The following DPP6 variants were observed in gnomAD, a reference collection of about 807,000 sequenced individuals.
DPP6 encodes A-type potassium channel modulatory protein DPP6.
DPP6 carries 69 observed loss-of-function variants against 122.6 expected under a neutral mutation model. The ratio of observed to expected loss-of-function variants is 0.56; its 90% CI spans 0.46 to 0.69. The LOEUF (loss-of-function observed/expected upper bound fraction) is 0.69, where lower values mean the gene tolerates loss of function less well. Ranked by LOEUF, DPP6 falls within the 30% of genes least tolerant of loss-of-function variation. DPP6 has a pLI of 0.00. For synonymous variants in DPP6, 418 were observed against 433.1 expected (o/e 0.97, Z 0.43); for missense variants, 928 against 1,116.9 (o/e 0.83, Z 2.41).
chr7:154,559,439 G>A (rs1830270431), intron 4 of DPP6, among the ~76,000 whole-genome samples: 1 of 150,604 alleles, frequency 6.6e-6, no homozygotes, highest in Non-Finnish European at 1.5e-5. Flanking sequence ...AGAAAGTGAA[G>A]AGAGAAAAGA....
chr7:154,360,104 AT>A (rs1407896041), intron 1 of DPP6, among the ~76,000 whole-genome samples: 1 of 152,106 alleles, frequency 6.6e-6, no homozygotes, highest in African/African-American at 2.4e-5. Context: ...TCCCTTTCTT[AT>A]TTCTTTAAGA....
chr7:154,149,841 C>T (rs1796320119), intron 1 of DPP6, among the ~76,000 whole-genome samples: 1 of 152,182 alleles, frequency 6.6e-6, no homozygotes, highest in Middle Eastern at 3.4e-3. Flanking sequence ...ACCGTGGTAC[C>T]CCCCGCTCCA....
chr7:154,656,413 A>G (rs1586822210), intron 6 of DPP6, among the ~76,000 whole-genome samples: 1 of 121,720 alleles, frequency 8.2e-6, no homozygotes, highest in South Asian at 3.1e-4. Context: ...AGGTCGGGGG[A>G]GAGCTGGGAG....
chr7:154,328,204 G>A (rs1047480637), intron 1 of DPP6, among the ~76,000 whole-genome samples: 1 of 152,176 alleles, frequency 6.6e-6, no homozygotes, highest in African/African-American at 2.4e-5. Context: ...TGTGATCAGG[G>A]TTAGAAAGCA....
chr7:154,582,074 T>C (rs1179443108), intron 5 of DPP6, among the ~76,000 whole-genome samples: 1 of 152,064 alleles, frequency 6.6e-6, no homozygotes, highest in Non-Finnish European at 1.5e-5. Flanking sequence ...TGTGAGCAAA[T>C]ACATATTTAA....
chr7:153,794,240 A>C, the DPP6 span, among the ~76,000 whole-genome samples: 1 of 152,236 alleles, frequency 6.6e-6, no homozygotes, highest in Non-Finnish European at 1.5e-5. Flanking sequence ...AGCCTGTGAA[A>C]GCAGCTGGGA....
At chr7:154,493,330 C>T (rs530088458) in intron 3 of DPP6, among the ~76,000 whole-genome samples, 3 of 152,164 alleles carry the variant, frequency 2.0e-5, no homozygotes, top group South Asian at 4.2e-4. Flanking sequence ...CATTCTCTGC[C>T]CATACTTATG....
chr7:154,810,989 A>G (rs946461551), intron 16 of DPP6, among the ~76,000 whole-genome samples: 11 of 152,226 alleles, frequency 7.2e-5, no homozygotes, highest in African/African-American at 2.7e-4. Flanking sequence ...ACTCTTAGTC[A>G]TTATGAAATT....
At chr7:154,866,204 C>G (rs551746086) in intron 17 of DPP6, among the ~76,000 whole-genome samples, 1 of 152,218 alleles carries the variant, frequency 6.6e-6, no homozygotes, top group African/African-American at 2.4e-5. Context: ...TCTTCATTAC[C>G]AGGCAGCACT....
intron 10 of DPP6, among the ~76,000 whole-genome samples, chr7:154,780,804 G>A (rs1796972988): frequency 6.6e-6 from 1 of 152,226 alleles, no homozygotes; most frequent in Admixed American, 6.5e-5. Context: ...CAAATATTGA[G>A]GAAACAGGTT....
chr7:154,357,946 C>T (rs375910636), intron 1 of DPP6, among the ~76,000 whole-genome samples: 1 of 123,994 alleles, frequency 8.1e-6, no homozygotes, highest in Non-Finnish European at 1.8e-5. Context: ...AACTTCGTCT[C>T]AAAAAAAAAA....
At chr7:153,910,590 C>T (rs1490935861) in intron 1 of DPP6, among the ~76,000 whole-genome samples, 1 of 152,098 alleles carries the variant, frequency 6.6e-6, no homozygotes, top group Non-Finnish European at 1.5e-5. Flanking sequence ...GCATGTCAGC[C>T]TCTGAGCTTT....
At chr7:154,460,382 G>A (rs539882540) in intron 2 of DPP6, among the ~76,000 whole-genome samples, 64 of 152,138 alleles carry the variant, frequency 4.2e-4, no homozygotes, top group African/African-American at 1.2e-3. Flanking sequence ...TCCCACTTCC[G>A]TCTCTTCACT....
the DPP6 span, among the ~76,000 whole-genome samples, chr7:153,861,864 C>T: frequency 8.5e-5 from 13 of 152,190 alleles, no homozygotes; most frequent in East Asian, 1.9e-4. Flanking sequence ...GTAACCCAAA[C>T]GGCAATTTAG....
chr7:154,350,653 T>A (rs1296729493), intron 1 of DPP6, among the ~76,000 whole-genome samples: 1 of 152,164 alleles, frequency 6.6e-6, no homozygotes, highest in Admixed American at 6.5e-5. Context: ...CTGCTCTGCC[T>A]TGAACAGGTG....
intron 6 of DPP6, among the ~76,000 whole-genome samples, chr7:154,640,648 C>A (rs1013732428): frequency 6.6e-6 from 1 of 152,200 alleles, no homozygotes; most frequent in Non-Finnish European, 1.5e-5. Flanking sequence ...TTGGTCATCA[C>A]TGTCACCGGT....
intron 3 of DPP6, among the ~76,000 whole-genome samples, chr7:154,515,940 C>T (rs924581837): frequency 8.5e-5 from 13 of 152,128 alleles, no homozygotes; most frequent in East Asian, 1.9e-4. Flanking sequence ...ACAGTGAGAA[C>T]GAAAATACAA....
chr7:154,121,660 C>T (rs1223638128), intron 1 of DPP6, among the ~76,000 whole-genome samples: 1 of 152,292 alleles, frequency 6.6e-6, no homozygotes, highest in African/African-American at 2.4e-5. Flanking sequence ...TTGATTTCAA[C>T]CTTTTAAAAA....
At chr7:154,316,300 A>G (rs1206520809) in intron 1 of DPP6, among the ~76,000 whole-genome samples, 1 of 152,230 alleles carries the variant, frequency 6.6e-6, no homozygotes, top group Non-Finnish European at 1.5e-5. Flanking sequence ...GCCACCAGCC[A>G]TGCATCAACA....
Sources: allele counts gnomAD v4.1 joint callset (sites outside exome capture counted in the v4.1 genomes callset), GRCh38; gene constraint gnomAD v4.1.1; transcripts MANE v1.5; gene names NCBI Gene and HGNC (gene_info 2026-07-23, HGNC 2026-07-21).